Variants in HMGA2 observed in about 807,000 individuals in gnomAD.
The protein encoded by HMGA2 is high mobility group AT-hook 2, also known as high mobility group protein HMGI-C.
HMGA2 carries 8 observed loss-of-function variants against 19.1 expected under a neutral mutation model. The ratio of observed to expected loss-of-function variants is 0.42; its 90% CI spans 0.25 to 0.76. The LOEUF (loss-of-function observed/expected upper bound fraction) is 0.76. Ranked by LOEUF, HMGA2 falls within the 30% of genes least tolerant of loss-of-function variation. The pLI is 0.28. For missense variants in HMGA2, 109 were observed against 136.3 expected, an observed-to-expected ratio of 0.80 and a Z score of 1.00; for synonymous variants, 60 against 48.8, an observed-to-expected ratio of 1.23 and a Z score of -0.96.
intron 3 of HMGA2, among the ~76,000 whole-genome samples, chr12:65,932,494 T>C (rs1875750379): frequency 1.3e-5 from 2 of 152,256 alleles, no homozygotes; most frequent in Non-Finnish European, 2.9e-5. Flanking sequence ...GCTTGGTGTA[T>C]AGAAGGCACT....
intron 3 of HMGA2, among the ~76,000 whole-genome samples, chr12:65,943,517 G>A (rs1262213613): frequency 6.6e-6 from 1 of 152,202 alleles, no homozygotes; most frequent in Non-Finnish European, 1.5e-5. Flanking sequence ...CAGCAGCAGT[G>A]AGGGCACTTT....
chr12:65,947,443 A>G (rs929354722), intron 3 of HMGA2, among the ~76,000 whole-genome samples: 2 of 152,116 alleles, frequency 1.3e-5, no homozygotes, highest in African/African-American at 4.8e-5. Flanking sequence ...AAATTTCTTC[A>G]AAGTCCTTTG....
At chr12:65,917,698 A>G (rs1460309719) in intron 3 of HMGA2, among the ~76,000 whole-genome samples, 2 of 152,210 alleles carry the variant, frequency 1.3e-5, no homozygotes, top group South Asian at 2.1e-4. Context: ...GTAAGAACTG[A>G]AAAAGGCTGG....
chr12:65,888,312 C>T (rs985846906), intron 3 of HMGA2, among the ~76,000 whole-genome samples: 26 of 151,500 alleles, frequency 1.7e-4, no homozygotes, highest in African/African-American at 5.8e-4. Context: ...AAAAGTTAGC[C>T]GGGCGCAGTG....
chr12:65,884,481 T>C lies in HMGA2; in HGVS notation c.249+45912T>C, dbSNP rs373149753. On this transcript the variant is annotated intron_variant, in intron 3 of 4. Transcript: ENST00000403681. Reference sequence around the variant, plus strand: ...CAAATTGTGCCTGGTCAATTGATAATGACTGATCAATATTAATGCACAAGT... The same window carrying C: ...CAAATTGTGCCTGGTCAATTGATAACGACTGATCAATATTAATGCACAAGT... Among the ~76,000 whole-genome samples the C allele has an allele frequency of 1.4e-4, 22 of 152,356 alleles. 1 individual carries two copies. The highest frequency in any genetic ancestry group is 5.3e-4 in the African/African-American group (22 of 41,588).
At chr12:65,862,714 A>C (rs1361032840) in intron 3 of HMGA2, among the ~76,000 whole-genome samples, 1 of 152,202 alleles carries the variant, frequency 6.6e-6, no homozygotes, top group Non-Finnish European at 1.5e-5. Context: ...ACACTCATGT[A>C]CTTAGTGTGT....
chr12:65,910,700 CT>C (rs1340148159), intron 3 of HMGA2, among the ~76,000 whole-genome samples: 1 of 152,098 alleles, frequency 6.6e-6, no homozygotes, highest in Admixed American at 6.6e-5. Context: ...CAGTTTTCTC[CT>C]TTTTTTCTTT....
chr12:65,915,530 C>A, intron 3 of HMGA2: 2 of 1,168,208 alleles, frequency 1.7e-6, no homozygotes, highest in East Asian at 4.3e-5. Flanking sequence ...AAAAAGTATT[C>A]ACTGTCTCTG....
At chr12:65,917,531 A>G (rs1298661265) in intron 3 of HMGA2, among the ~76,000 whole-genome samples, 3 of 152,242 alleles carry the variant, frequency 2.0e-5, no homozygotes, top group African/African-American at 7.2e-5. Context: ...TCAAGCAAGT[A>G]AGCAGATATA....
chr12:65,895,642 G>A (rs1226850650), intron 3 of HMGA2, among the ~76,000 whole-genome samples: 3 of 152,180 alleles, frequency 2.0e-5, no homozygotes, highest in Middle Eastern at 3.2e-3. Flanking sequence ...GGGGGTTTCA[G>A]CAAACAAATA....
At chr12:65,904,724 A>G (rs1874512659) in intron 3 of HMGA2, among the ~76,000 whole-genome samples, 1 of 152,068 alleles carries the variant, frequency 6.6e-6, no homozygotes, top group African/African-American at 2.4e-5. Flanking sequence ...CATATATATA[A>G]CTCTACAGCC....
chr12:65,874,075 T>G (rs1404446536), intron 3 of HMGA2: 1 of 152,166 alleles, frequency 6.6e-6, no homozygotes, highest in Non-Finnish European at 1.5e-5. Context: ...AGAAGCAAAT[T>G]TGTACTAATT....
intron 3 of HMGA2, among the ~76,000 whole-genome samples, chr12:65,872,251 G>C (rs1016415913): frequency 1.3e-5 from 2 of 152,156 alleles, no homozygotes; most frequent in Non-Finnish European, 2.9e-5. Flanking sequence ...TGAAATATCT[G>C]ACACATCAGC....
At chr12:65,878,461 C>T (rs766134851) in intron 3 of HMGA2, among the ~76,000 whole-genome samples, 3 of 152,256 alleles carry the variant, frequency 2.0e-5, no homozygotes, top group Non-Finnish European at 2.9e-5. Context: ...TTTTGGAAAG[C>T]GCACACTTTT....
chr12:65,844,050 CAAAA>C (rs3048828), intron 3 of HMGA2, among the ~76,000 whole-genome samples: 5 of 79,760 alleles, frequency 6.3e-5, no homozygotes, highest in African/African-American at 7.5e-5. Flanking sequence ...GACTCCATCT[CAAAA>C]AAAAAAAAAA....
At chr12:65,905,200 A>C (rs1874538312) in intron 3 of HMGA2, among the ~76,000 whole-genome samples, 1 of 152,074 alleles carries the variant, frequency 6.6e-6, no homozygotes, top group Non-Finnish European at 1.5e-5. Flanking sequence ...ACACACACAC[A>C]CACACATAAT....
intron 3 of HMGA2, among the ~76,000 whole-genome samples, chr12:65,895,953 A>G (rs77619588): frequency 6.6e-6 from 1 of 152,102 alleles, no homozygotes; most frequent in East Asian, 1.9e-4. Flanking sequence ...GTGCGTTTGC[A>G]TGTGTGTGTT....
At chr12:65,892,527 T>A (rs191077613) in intron 3 of HMGA2, among the ~76,000 whole-genome samples, 168 of 152,298 alleles carry the variant, frequency 1.1e-3, no homozygotes, top group African/African-American at 3.8e-3. Context: ...TGTCTTTTCT[T>A]TTTTTGCCTG....
chr12:65,920,805 G>A (rs534477332), intron 3 of HMGA2, among the ~76,000 whole-genome samples: 30 of 152,256 alleles, frequency 2.0e-4, no homozygotes, highest in African/African-American at 2.9e-4. Flanking sequence ...TATCAGCAGC[G>A]TGAAAACAGA....
Sources: gnomAD v4.1 joint callset for allele counts (sites outside exome capture counted in the v4.1 genomes callset) on GRCh38, gnomAD v4.1.1 for gene constraint, MANE v1.5 for transcripts, NCBI Gene and HGNC (gene_info 2026-07-23, HGNC 2026-07-21) for gene names.